Variants in SLC24A2 observed in about 807,000 individuals in gnomAD.
SLC24A2 encodes sodium/potassium/calcium exchanger 2.
SLC24A2 carries 36 observed loss-of-function variants against 62.0 expected under a neutral mutation model. That is an observed-to-expected ratio of 0.58 (90% CI 0.44 to 0.77). SLC24A2 has a LOEUF of 0.77. Among genes scored for constraint, SLC24A2 ranks in the 30% least tolerant of loss-of-function variants. The pLI is 0.00. For missense variants in SLC24A2, 846 were observed against 817.9 expected, an observed-to-expected ratio of 1.03 and a Z score of -0.42; for synonymous variants, 358 against 294.0, an observed-to-expected ratio of 1.22 and a Z score of -2.23.
intron 2 of SLC24A2, among the ~76,000 whole-genome samples, chr9:19,697,330 T>G (rs1285414938): frequency 1.3e-5 from 2 of 152,142 alleles, no homozygotes; most frequent in Non-Finnish European, 2.9e-5. Context: ...TAGTGGATGC[T>G]GGACTTAATA....
the SLC24A2 span, among the ~76,000 whole-genome samples, chr9:20,134,454 G>A: frequency 6.6e-6 from 1 of 152,096 alleles, no homozygotes; most frequent in Non-Finnish European, 1.5e-5. Context: ...GAGTCTGAAG[G>A]CCTCACAGCA....
chr9:19,963,857 T>C, the SLC24A2 span, among the ~76,000 whole-genome samples: 4 of 152,082 alleles, frequency 2.6e-5, no homozygotes, highest in East Asian at 7.7e-4. Context: ...GACCCAGCCA[T>C]CCCATTACTG....
the SLC24A2 span, among the ~76,000 whole-genome samples, chr9:20,028,458 T>G: frequency 1.3e-5 from 2 of 152,164 alleles, no homozygotes; most frequent in African/African-American, 4.8e-5. Context: ...CCTCCTAAAT[T>G]TCCATCTGTC....
chr9:19,823,933 A>T, the SLC24A2 span, among the ~76,000 whole-genome samples: 1 of 152,200 alleles, frequency 6.6e-6, no homozygotes, highest in African/African-American at 2.4e-5. Flanking sequence ...ATGATTCCCT[A>T]TTTAATAAAT....
At chr9:20,198,950 A>G in the SLC24A2 span, among the ~76,000 whole-genome samples, 1 of 152,196 alleles carries the variant, frequency 6.6e-6, no homozygotes, top group South Asian at 2.1e-4. Context: ...CAGGCTGTCC[A>G]ATGTGGGGAA....
chr9:19,590,014 C>T, intron 5 of SLC24A2, among the ~76,000 whole-genome samples: 1 of 152,146 alleles, frequency 6.6e-6, no homozygotes, highest in South Asian at 2.1e-4. Flanking sequence ...CTGGGCTGAA[C>T]TCTCTTTCTC....
the SLC24A2 span, among the ~76,000 whole-genome samples, chr9:20,254,762 C>A: frequency 6.6e-6 from 1 of 152,088 alleles, no homozygotes; most frequent in African/African-American, 2.4e-5. Flanking sequence ...TCTCACAATT[C>A]TAATAAAGAA....
Position 19,525,929 on chromosome 9 carries a change from C to T in SLC24A2, c.1569+2120G>A, listed in dbSNP as rs543805905. ...TTTAATGTATTCAGAGTTGTGCAGC[C>T]TTCATAATTTAGGTTTTGAACTTAT... On this transcript the variant is annotated intron_variant, in intron 9 of 10. Transcript: ENST00000341998. 5.9e-4 allele frequency among the ~76,000 whole-genome samples: 89 copies of T among 152,086 alleles called. 1 individual carries two copies. In the South Asian group the frequency reaches 0.018, roughly 30 times the overall value.
At chr9:20,063,405 C>T in the SLC24A2 span, among the ~76,000 whole-genome samples, 1 of 147,120 alleles carries the variant, frequency 6.8e-6, no homozygotes, top group African/African-American at 2.5e-5. Context: ...AAAAACCAAA[C>T]ACTGCATATT....
intron 9 of SLC24A2, among the ~76,000 whole-genome samples, chr9:19,525,173 AAG>A (rs995816410): frequency 5.1e-4 from 78 of 152,076 alleles, no homozygotes; most frequent in African/African-American, 1.7e-3. Context: ...AATATCCAGG[AAG>A]AGTAATCTGA....
At chr9:20,044,576 G>A in the SLC24A2 span, among the ~76,000 whole-genome samples, 1 of 152,064 alleles carries the variant, frequency 6.6e-6, no homozygotes, top group Non-Finnish European at 1.5e-5. Flanking sequence ...TCTGGGCTTG[G>A]GTCCTCACTG....
At chr9:20,125,904 C>A in the SLC24A2 span, among the ~76,000 whole-genome samples, 1 of 152,190 alleles carries the variant, frequency 6.6e-6, no homozygotes. Flanking sequence ...CTCTTTCCAG[C>A]ATACAGAATT....
chr9:20,002,090 A>C, the SLC24A2 span, among the ~76,000 whole-genome samples: 1 of 152,152 alleles, frequency 6.6e-6, no homozygotes, highest in Non-Finnish European at 1.5e-5. Context: ...TACTTAGGTA[A>C]ATGCTGATGA....
At chr9:20,076,658 T>C in the SLC24A2 span, among the ~76,000 whole-genome samples, 1 of 151,734 alleles carries the variant, frequency 6.6e-6, no homozygotes, top group African/African-American at 2.4e-5. Context: ...GTGGGAGCCC[T>C]AGGAAACGAA....
the SLC24A2 span, among the ~76,000 whole-genome samples, chr9:19,907,061 G>A: frequency 1.3e-5 from 2 of 152,090 alleles, no homozygotes; most frequent in East Asian, 1.9e-4. Flanking sequence ...GATGAACATC[G>A]ATGCAAAAAT....
At chr9:20,145,094 G>A in the SLC24A2 span, among the ~76,000 whole-genome samples, 5 of 152,192 alleles carry the variant, frequency 3.3e-5, no homozygotes, top group African/African-American at 9.6e-5. Flanking sequence ...TAGAGAAAAC[G>A]TATTTTGTGA....
At chr9:19,825,569 T>C in the SLC24A2 span, among the ~76,000 whole-genome samples, 11 of 152,236 alleles carry the variant, frequency 7.2e-5, no homozygotes, top group Admixed American at 7.2e-4. Context: ...ACCTGATAAC[T>C]AGTTTATGAT....
chr9:19,864,548 A>G, the SLC24A2 span, among the ~76,000 whole-genome samples: 1 of 152,070 alleles, frequency 6.6e-6, no homozygotes, highest in African/African-American at 2.4e-5. Flanking sequence ...ATGCAAATCA[A>G]TTAATGTGAT....
chr9:19,786,294 T>A lies in SLC24A2; in HGVS notation c.573A>T (p.Thr191=), dbSNP rs1399369466. Residue 191 remains threonine, a synonymous_variant, in exon 2 of 11, where the codon ACA becomes ACT. Transcript: ENST00000341998. This position sits in a 1 kb window ranked among gnomAD's most constrained non-coding sequence, Gnocchi z 5.0. ...AAGGSAPELF[T]SLIGVFIAHS... ...GAGCGATAAATACCCCTATGAGAGA[T>A]GTGAAAAGTTCTGGGGCTGACCCTC... 4 of 1,614,026 alleles carry A rather than the reference T, an allele frequency of 2.5e-6. No homozygotes were observed. Among genetic ancestry groups the A allele is most frequent in the Non-Finnish European group, 3.4e-6 (4 of 1,180,040 alleles).
Sources: gnomAD v4.1 joint callset for allele counts (sites outside exome capture counted in the v4.1 genomes callset) on GRCh38, gnomAD v4.1.1 for gene constraint, Gnocchi (gnomAD v3.1) non-coding constraint, MANE v1.5 for transcripts, NCBI Gene and HGNC (gene_info 2026-07-23, HGNC 2026-07-21) for gene names.